Variants in FOCAD observed in about 807,000 individuals in gnomAD.
FOCAD encodes the protein KIAA1797.
Under a neutral mutation model 225.6 loss-of-function variants are expected in FOCAD, and 198 were observed. The observed-to-expected ratio is 0.88, with a 90% CI of 0.78 to 0.99. The LOEUF (loss-of-function observed/expected upper bound fraction) is 0.99, where lower values mean the gene tolerates loss of function less well. Ranked by LOEUF, FOCAD falls within the 50% of genes least tolerant of loss-of-function variation. The pLI is 0.00. For missense variants in FOCAD, 2,713 were observed against 2,123.6 expected (o/e 1.28, Z -5.46); for synonymous variants, 897 against 755.0 (o/e 1.19, Z -3.08).
intron 21 of FOCAD, among the ~76,000 whole-genome samples, chr9:20,890,327 G>T (rs1043269516): frequency 1.4e-5 from 2 of 145,060 alleles, no homozygotes; most frequent in African/African-American, 2.5e-5. Flanking sequence ...GACTTCCTTT[G>T]TCAGGTTGAA....
intron 11 of FOCAD, among the ~76,000 whole-genome samples, chr9:20,803,730 G>T (rs1822092911): frequency 6.6e-6 from 1 of 152,030 alleles, no homozygotes; most frequent in Non-Finnish European, 1.5e-5. Context: ...TGCAGACTTG[G>T]GCTCCTTGCT....
At chr9:20,900,165 A>G (rs948621888) in intron 21 of FOCAD, among the ~76,000 whole-genome samples, 8 of 151,926 alleles carry the variant, frequency 5.3e-5, no homozygotes, top group Admixed American at 1.3e-4. Context: ...CTCTGACATG[A>G]CACTCTCACC....
intron 8 of FOCAD, among the ~76,000 whole-genome samples, chr9:20,774,490 C>G (rs1818562774): frequency 6.6e-6 from 1 of 152,172 alleles, no homozygotes; most frequent in Non-Finnish European, 1.5e-5. Flanking sequence ...TACCCTTCCT[C>G]CAATAACCTA....
At position 20,789,379 on chromosome 9, in the gene FOCAD, C is replaced by A. The variant is rs142646886; in HGVS notation, c.1226C>A (p.Thr409Asn). The change falls in exon 11 of 44, where the codon ACC (threonine) becomes AAC (asparagine). Residue 409 changes from threonine (T) to asparagine (N), a missense_variant. Physicochemically the swap from Thr to Asn is moderately conservative, Grantham distance 65. Coordinates refer to ENST00000338382, the MANE Select transcript of FOCAD (RefSeq NM_001375567.1). Reference sequence around the variant, plus strand: ...TCCTACAAGCTTGTGTGCCCTGTAACCAGTATGTATGGTACAATATTTACA... The same window carrying A: ...TCCTACAAGCTTGTGTGCCCTGTAAACAGTATGTATGGTACAATATTTACA... Reference protein sequence around the residue: ...KLSYKLVCPVTSMYGTIFTAW... With the variant: ...KLSYKLVCPVNSMYGTIFTAW... The A allele has an allele frequency of 5.2e-4, 834 of 1,613,790 alleles. 1 individual carries two copies. Among genetic ancestry groups the A allele is most frequent in the Non-Finnish European group, 5.7e-4 (676 of 1,179,892 alleles).
chr9:20,746,483 A>T (rs753141862), intron 5 of FOCAD, among the ~76,000 whole-genome samples: 1 of 152,176 alleles, frequency 6.6e-6, no homozygotes, highest in Admixed American at 6.5e-5. Flanking sequence ...TACTGTATTG[A>T]AATAATTTTA....
chr9:20,873,462 T>C (rs1249803892), intron 18 of FOCAD, among the ~76,000 whole-genome samples: 1 of 152,174 alleles, frequency 6.6e-6, no homozygotes, highest in Non-Finnish European at 1.5e-5. Context: ...TGATATGCAG[T>C]GATTTCGACA....
intron 5 of FOCAD, among the ~76,000 whole-genome samples, chr9:20,749,350 C>G (rs527987317): frequency 6.6e-6 from 1 of 152,038 alleles, no homozygotes; most frequent in Non-Finnish European, 1.5e-5. Context: ...TTTCTAGGAG[C>G]TTATGTGGGA....
intron 7 of FOCAD, among the ~76,000 whole-genome samples, chr9:20,769,122 C>T (rs567762000): frequency 6.6e-6 from 1 of 152,072 alleles, no homozygotes; most frequent in African/African-American, 2.4e-5. Context: ...ATAATTTATA[C>T]CAGACTGTTT....
In FOCAD at chr9:20,740,673, TA is replaced by T. The variant is rs1330529894; in HGVS notation, c.392+336del. Among the ~76,000 whole-genome samples the T allele has an allele frequency of 2.6e-5, 4 of 152,154 alleles. No homozygotes were observed. The East Asian group carries it at 7.7e-4, about 29-fold the overall frequency. On this transcript the variant is annotated intron_variant, in intron 5 of 43. Transcript: ENST00000338382. ...GAAGACTTCATTGAACAAAGATATT[TA>T]AAGCAGGGGGGGATTTAGGTTAGGC...
chr9:20,656,001 A>G (rs1821470355), upstream of FOCAD, among the ~76,000 whole-genome samples: 1 of 152,132 alleles, frequency 6.6e-6, no homozygotes, highest in Admixed American at 6.5e-5. Flanking sequence ...GTTTTCAAAG[A>G]ACATCTTTAT....
chr9:20,982,343 T>C lies in FOCAD; in HGVS notation c.4639-14T>C. 2.5e-6 allele frequency: 4 copies of C among 1,588,720 alleles called. No homozygotes were observed. The highest frequency in any genetic ancestry group is 3.4e-6 in the Non-Finnish European group (4 of 1,159,894). On this transcript the variant is annotated splice_polypyrimidine_tract_variant and intron_variant, in intron 38 of 43. Coordinates refer to ENST00000338382, the MANE Select transcript of FOCAD (RefSeq NM_001375567.1). ...ACACTGTTTGTTGACATGTTTGGGA[T>C]TTTTCTTTATCAGAGAAAGGATCTA...
Position 20,793,237 on chromosome 9 carries a change from A to G in FOCAD, c.1455+3629A>G, listed in dbSNP as rs1194739884. 2.0e-5 allele frequency among the ~76,000 whole-genome samples: 3 copies of G among 152,338 alleles called. No individual in the cohort carries two copies. The East Asian group carries it at 5.8e-4, about 29-fold the overall frequency. The stretch of plus-strand genomic sequence containing the variant: ...GGGATGAGCCTGCCAGCATGAAGCA[A>G]TTAGGCAAAGAGAAGCACAACTGAA... On this transcript the variant is annotated intron_variant, in intron 11 of 43. Coordinates refer to ENST00000338382, the MANE Select transcript of FOCAD (RefSeq NM_001375567.1).
intron 11 of FOCAD, among the ~76,000 whole-genome samples, chr9:20,793,947 C>T (rs10511685): frequency 2.6e-5 from 4 of 152,050 alleles, no homozygotes; most frequent in South Asian, 2.1e-4. Context: ...ATACTTGTAC[C>T]GTGGCCAGAC....
rs118101693 is a variant in FOCAD at position 20,788,228 on chromosome 9, A to G, written c.1198-1123A>G. On this transcript the variant is annotated intron_variant, in intron 10 of 43. Coordinates refer to ENST00000338382, the MANE Select transcript of FOCAD (RefSeq NM_001375567.1). ...AGCTGGTCACAAAGGACCACATATT[A>G]TGTGTTTCCTATTATATGAAATGAC... 4.6e-3 allele frequency among the ~76,000 whole-genome samples: 700 copies of G among 152,324 alleles called. 4 individuals carry two copies. Among genetic ancestry groups the G allele is most frequent in the South Asian group, 9.5e-3 (46 of 4,828 alleles).
At chr9:20,949,701 G>A (rs373934285) in intron 33 of FOCAD, 26 bp downstream of exon 33, 1 of 1,570,826 alleles carries the variant, frequency 6.4e-7, no homozygotes, top group Non-Finnish European at 8.8e-7. Flanking sequence ...TAAAATCCTT[G>A]GGTGGAAAAC....
intron 41 of FOCAD, among the ~76,000 whole-genome samples, chr9:20,989,058 T>C (rs1244041193): frequency 1.3e-5 from 2 of 152,238 alleles, no homozygotes; most frequent in African/African-American, 2.4e-5. Context: ...GACAGCTCTT[T>C]CCTGCTTTCC....
rs1307861061 is a variant in FOCAD, at chr9:20,781,770, G to C, written c.1038G>C (p.Lys346Asn). The C allele has an allele frequency of 1.9e-6, 3 of 1,613,940 alleles. No individual in the cohort carries two copies. Among genetic ancestry groups the C allele is most frequent in the African/African-American group, 2.7e-5 (2 of 74,934 alleles). Residue 346 changes from lysine (K) to asparagine (N), a missense_variant, in exon 10 of 44, where the codon AAG becomes AAC. Physicochemically the swap from Lys to Asn is moderately conservative, Grantham distance 94 (BLOSUM62 0). Coordinates refer to ENST00000338382, the MANE Select transcript of FOCAD (RefSeq NM_001375567.1). ...LSVTEDQKIP[K>N]SSLLLVMPIL... ...TTACTGAGGATCAGAAAATCCCAAAGTCCTCTCTGCTGCTAGTGATGCCAA... is the reference window on the plus strand; with the variant it reads ...TTACTGAGGATCAGAAAATCCCAAACTCCTCTCTGCTGCTAGTGATGCCAA...
intron 35 of FOCAD, among the ~76,000 whole-genome samples, chr9:20,973,740 C>CTTCTCCTTTTTCCTATGT (rs1839980360): frequency 6.7e-6 from 1 of 149,676 alleles, no homozygotes; most frequent in African/African-American, 2.5e-5. Flanking sequence ...ATGGCCTCTG[C>CTTCTCCTTTTTCCTATGT]TTCTCCTTTT....
intron 18 of FOCAD, among the ~76,000 whole-genome samples, chr9:20,873,620 C>G (rs1225405743): frequency 6.6e-6 from 1 of 152,154 alleles, no homozygotes; most frequent in Non-Finnish European, 1.5e-5. Flanking sequence ...GCTTTCACTT[C>G]TCCTTCACTA....
Sources: allele counts gnomAD v4.1 joint callset (sites outside exome capture counted in the v4.1 genomes callset), GRCh38; gene constraint gnomAD v4.1.1; transcripts MANE v1.5; gene names NCBI Gene and HGNC (gene_info 2026-07-23, HGNC 2026-07-21).